MGAT4A: variants seen among roughly 807,000 people sequenced by gnomAD.
MGAT4A encodes N-acetylglucosaminyltransferase IVa.
In MGAT4A, 33 loss-of-function variants were observed where a neutral mutation model predicts 74.1. The observed-to-expected ratio is 0.45, with a 90% CI of 0.34 to 0.60. MGAT4A has a LOEUF of 0.60. Among genes scored for constraint, MGAT4A ranks in the 20% least tolerant of loss-of-function variants. The probability of loss-of-function intolerance (pLI) is 0.02; values close to 1 mark genes in which losing one functional copy is unlikely to be tolerated. For missense variants in MGAT4A, 479 were observed against 628.3 expected, an observed-to-expected ratio of 0.76 and a Z score of 2.54; for synonymous variants, 198 against 210.4, an observed-to-expected ratio of 0.94 and a Z score of 0.51.
chr2:98,708,524 G>C (rs1362608860), intron 2 of MGAT4A, among the ~76,000 whole-genome samples: 3 of 152,132 alleles, frequency 2.0e-5, no homozygotes, highest in Non-Finnish European at 4.4e-5. Context: ...TTGCTAGGAA[G>C]ACACTTCAGC....
rs535584107 is a variant in MGAT4A at position 98,655,992 on chromosome 2, G to A, written c.698+360C>T. 9.5e-5 allele frequency: 21 copies of A among 222,038 alleles called. No individual in the cohort carries two copies. In the South Asian group the frequency reaches 1.4e-3, roughly 15 times the overall value. 13.8% of individuals were successfully genotyped at this position (222,038 alleles called of 1,614,324 possible). A position where few individuals can be genotyped will look rare whatever the true frequency, so the allele number is the denominator to read the frequency against. On this transcript the variant is annotated intron_variant, in intron 7 of 15. Coordinates refer to ENST00000393487, the MANE Select transcript of MGAT4A (RefSeq NM_012214.3). The stretch of plus-strand genomic sequence containing the variant: ...TTTAGGGTCCCTATTCTGGTGCCTA[G>A]GACTGTTTGCACGCAGATCAAAGTT...
At chr2:98,714,349 A>C (rs1464990675) in intron 2 of MGAT4A, among the ~76,000 whole-genome samples, 4 of 152,098 alleles carry the variant, frequency 2.6e-5, no homozygotes, top group Admixed American at 6.5e-5. Context: ...AGCCTCCCAA[A>C]GTGCTGGGAT....
chr2:98,669,732 C>T (rs1023656366), intron 4 of MGAT4A, among the ~76,000 whole-genome samples: 4 of 152,138 alleles, frequency 2.6e-5, no homozygotes, highest in African/African-American at 9.7e-5. Flanking sequence ...GTTTCCTTGG[C>T]CTTCTGAGCC....
intron 3 of MGAT4A, among the ~76,000 whole-genome samples, chr2:98,676,377 A>G (rs1470675139): frequency 6.6e-6 from 1 of 152,188 alleles, no homozygotes; most frequent in Non-Finnish European, 1.5e-5. Context: ...CAAAAACCTT[A>G]AAACATTTCT....
chr2:98,700,141 T>A (rs1702331582), intron 2 of MGAT4A, among the ~76,000 whole-genome samples: 1 of 152,070 alleles, frequency 6.6e-6, no homozygotes, highest in Non-Finnish European at 1.5e-5. Flanking sequence ...CTGCACTACC[T>A]GCATATAAGC....
At position 98,705,967 on chromosome 2, in the gene MGAT4A, A is replaced by AG. The variant is rs199753015; in HGVS notation, c.94+20271_94+20272insC. Among the ~76,000 whole-genome samples, 687 of 147,540 alleles carry AG rather than the reference A, an allele frequency of 4.7e-3. 8 individuals are homozygous for AG. Among genetic ancestry groups the AG allele is most frequent in the Non-Finnish European group, 7.5e-3 (496 of 66,494 alleles). Reference sequence around the variant, plus strand: ...CCGTCTCAAAAAAAAAAAAAAAAAAAAAAAGAAAATCAACTAACAATAAAA... The same window carrying AG: ...CCGTCTCAAAAAAAAAAAAAAAAAAAGAAAAGAAAATCAACTAACAATAAAA... On this transcript the variant is annotated intron_variant, in intron 2 of 15. Coordinates refer to ENST00000393487, the MANE Select transcript of MGAT4A (RefSeq NM_012214.3).
chr2:98,670,274 C>A (rs1275135926), intron 4 of MGAT4A, among the ~76,000 whole-genome samples: 1 of 152,128 alleles, frequency 6.6e-6, no homozygotes, highest in Non-Finnish European at 1.5e-5. Context: ...TGTTTTAATT[C>A]TGAGTGCAAG....
Position 98,622,745 on chromosome 2 carries a change from G to A in MGAT4A, c.*2821C>T, listed in dbSNP as rs1019581663. ...AGTATGAGCTGCAGGCTCGCCTCAG[G>A]AACCTGAAATCTGGTCAGAGAGACA... is the stretch of plus-strand genomic sequence containing the variant. On this transcript the variant is annotated 3_prime_UTR_variant, in exon 16 of 16. Coordinates refer to ENST00000393487, the MANE Select transcript of MGAT4A (RefSeq NM_012214.3). 3 of 985,576 alleles carry A rather than the reference G, an allele frequency of 3.0e-6. No homozygotes were observed. In the African/African-American group the frequency reaches 5.2e-5, roughly 17 times the overall value. 61.1% of individuals were successfully genotyped at this position (985,576 alleles called of 1,614,324 possible).
At chr2:98,671,074 A>G (rs181588864) in intron 4 of MGAT4A, among the ~76,000 whole-genome samples, 1 of 152,198 alleles carries the variant, frequency 6.6e-6, no homozygotes, top group East Asian at 1.9e-4. Flanking sequence ...CAGTCACTCA[A>G]TCCAGAAACC....
rs183542287 is a variant in MGAT4A at position 98,675,963 on chromosome 2, T to C, written c.263-788A>G. Among the ~76,000 whole-genome samples, 305 of 152,336 alleles carry C rather than the reference T, an allele frequency of 2.0e-3. 3 individuals are homozygous for C. Among genetic ancestry groups the C allele is most frequent in the Non-Finnish European group, 3.6e-3 (244 of 68,036 alleles). On this transcript the variant is annotated intron_variant, in intron 3 of 15. Coordinates refer to ENST00000393487, the MANE Select transcript of MGAT4A (RefSeq NM_012214.3). The stretch of plus-strand genomic sequence containing the variant: ...AACAGCACAAGTTGAGAATATCCAG[T>C]ACAGATCACAACTTTCAAATAGTTT...
In MGAT4A at chr2:98,651,004, G is replaced by A. The variant is rs1483182303; in HGVS notation, c.774+4441C>T. Among the ~76,000 whole-genome samples, 2 of 151,876 alleles carry A rather than the reference G, an allele frequency of 1.3e-5. 1 individual carries two copies. The highest frequency in any genetic ancestry group is 4.1e-4 in the South Asian group (2 of 4,824). ...GGCTGGGCGCAGCAAGGTGGAGGTT[G>A]CAGTGAGCTGGGATTGTGCCACTGC... On this transcript the variant is annotated intron_variant, in intron 8 of 15. Transcript: ENST00000393487.
At chr2:98,699,563 G>C (rs1702323106) in intron 2 of MGAT4A, among the ~76,000 whole-genome samples, 1 of 151,620 alleles carries the variant, frequency 6.6e-6, no homozygotes, top group Admixed American at 6.6e-5. Flanking sequence ...TAAGTAACAA[G>C]AGGCAAATCC....
Position 98,624,036 on chromosome 2 carries a change from G to A in MGAT4A, c.*1530C>T, listed in dbSNP as rs1346130012. The A allele has an allele frequency of 1.7e-4, 168 of 982,450 alleles. No homozygotes were observed. Among genetic ancestry groups the A allele is most frequent in the Non-Finnish European group, 1.9e-4 (155 of 827,824 alleles). 60.9% of individuals were successfully genotyped at this position (982,450 alleles called of 1,614,324 possible). On this transcript the variant is annotated 3_prime_UTR_variant, in exon 16 of 16. Transcript: ENST00000393487. ...CTTCATCTTTTTTTTTTTTTGAGAC[G>A]GAGTCTAGCTGTGTCGCCCAGGCTG...
Position 98,726,513 on chromosome 2 carries a change from T to C in MGAT4A, c.-181A>G, listed in dbSNP as rs1702764637. On this transcript the variant is annotated 5_prime_UTR_variant, in exon 2 of 16. Coordinates refer to ENST00000393487, the MANE Select transcript of MGAT4A (RefSeq NM_012214.3). ...CTAGCAGCAATGCTGTTCACAACTG[T>C]ACTCGGGATCGTCTTTGCGGTCTTC... 2.0e-6 allele frequency: 1 copy of C among 498,518 alleles called. No homozygotes were observed. Among genetic ancestry groups the C allele is most frequent in the Admixed American group, 3.4e-5 (1 of 29,126 alleles). 30.9% of individuals were successfully genotyped at this position (498,518 alleles called of 1,614,324 possible).
chr2:98,706,004 G>C (rs953524934), intron 2 of MGAT4A, among the ~76,000 whole-genome samples: 2 of 146,348 alleles, frequency 1.4e-5, no homozygotes, highest in African/African-American at 5.1e-5. Context: ...TCCCATTATT[G>C]AACACAGCTC....
At chr2:98,646,011 C>T (rs1701478533) in intron 8 of MGAT4A, among the ~76,000 whole-genome samples, 1 of 151,968 alleles carries the variant, frequency 6.6e-6, no homozygotes, top group African/African-American at 2.4e-5. Flanking sequence ...TATTGTGAAG[C>T]TATTTTACGT....
Position 98,621,200 on chromosome 2 carries a change from A to T in MGAT4A, c.*4366T>A. The T allele has an allele frequency of 2.0e-6, 1 of 496,138 alleles. No individual in the cohort carries two copies. Among genetic ancestry groups the T allele is most frequent in the Non-Finnish European group, 3.4e-6 (1 of 294,972 alleles). The allele number at this position is 496,138 out of a possible 1,614,324, so 30.7% of individuals were successfully genotyped here. On this transcript the variant is annotated 3_prime_UTR_variant, in exon 16 of 16. Transcript: ENST00000393487. ...GTAGGTCAGAAGTCCAAGCAGGCTT[A>T]AGTGAGTTCTCGGCTTAGGGTCTCA...
At position 98,639,891 on chromosome 2, in the gene MGAT4A, C is replaced by A; in HGVS notation, c.1239G>T (p.Met413Ile). 1 of 1,614,168 alleles carries A rather than the reference C, an allele frequency of 6.2e-7. No homozygotes were observed. The highest frequency in any genetic ancestry group is 8.5e-7 in the Non-Finnish European group (1 of 1,180,004). Residue 413 changes from methionine to isoleucine, a missense_variant, in exon 12 of 16, where the codon ATG becomes ATT. Coordinates refer to ENST00000393487, the MANE Select transcript of MGAT4A (RefSeq NM_012214.3). Reference sequence around the variant, plus strand: ...TGATAGCCCAGAAGAAATCCTCTCCCATGTAAGTTTTCTCCAGCGTATGCC... The same window carrying A: ...TGATAGCCCAGAAGAAATCCTCTCCAATGTAAGTTTTCTCCAGCGTATGCC... ...YQGHTLEKTYMGEDFFWAITP... is the reference protein window; with the variant it reads ...YQGHTLEKTYIGEDFFWAITP...
chr2:98,640,073 T>A (rs2104233797), intron 11 of MGAT4A, 48 bp downstream of exon 11: 1 of 1,563,312 alleles, frequency 6.4e-7, no homozygotes, highest in Admixed American at 1.9e-5. Context: ...AATTATAACT[T>A]AAATAACAAG....
Sources: gnomAD v4.1 joint callset for allele counts (sites outside exome capture counted in the v4.1 genomes callset) on GRCh38, gnomAD v4.1.1 for gene constraint, MANE v1.5 for transcripts, NCBI Gene and HGNC (gene_info 2026-07-23, HGNC 2026-07-21) for gene names.